Variants in CTNNB1 observed in about 807,000 individuals in gnomAD.
CTNNB1 encodes catenin beta-1.
Under a neutral mutation model 82.5 loss-of-function variants are expected in CTNNB1, and 6 were observed. The observed-to-expected ratio is 0.07, with a 90% CI of 0.04 to 0.14. The LOEUF (loss-of-function observed/expected upper bound fraction) is 0.14, where lower values mean the gene tolerates loss of function less well. CTNNB1 is among the 10% of genes least tolerant of loss of function. CTNNB1 has a pLI of 1.00. For synonymous variants in CTNNB1, 312 were observed against 329.7 expected (o/e 0.95, Z 0.58); for missense variants, 529 against 980.4 (o/e 0.54, Z 6.15).
intron 7 of CTNNB1, among the ~76,000 whole-genome samples, chr3:41,229,112 A>C (rs72861958): frequency 1.3e-5 from 2 of 152,092 alleles, no homozygotes; most frequent in African/African-American, 2.4e-5. Flanking sequence ...CCTTGTATTA[A>C]CAGTATAGCT....
rs1553630228 is a variant in CTNNB1, at chr3:41,224,945, C to T, written c.242-9C>T. On this transcript the variant is annotated splice_polypyrimidine_tract_variant and intron_variant, in intron 3 of 14. Coordinates refer to ENST00000349496, the MANE Select transcript of CTNNB1 (RefSeq NM_001904.4). Reference sequence around the variant, plus strand: ...TGTGGATAGTGAGTGTTGAATTAACCTTTTCCAGATATTGATGGACAGTAT... The same window carrying T: ...TGTGGATAGTGAGTGTTGAATTAACTTTTTCCAGATATTGATGGACAGTAT... 4 of 1,613,974 alleles carry T rather than the reference C, an allele frequency of 2.5e-6. No individual in the cohort carries two copies. The highest frequency in any genetic ancestry group is 3.4e-6 in the Non-Finnish European group (4 of 1,179,928).
chr3:41,211,795 G>C (rs938387508), intron 1 of CTNNB1, among the ~76,000 whole-genome samples: 1 of 152,118 alleles, frequency 6.6e-6, no homozygotes, highest in Non-Finnish European at 1.5e-5. Flanking sequence ...TGGGTTGATT[G>C]TATCTTTGCT....
In CTNNB1 at chr3:41,211,363, C is replaced by T. The variant is rs572726589; in HGVS notation, c.-49+11693C>T. ...CTCACTGAAGCCATGCCATGCCATG[C>T]CATCTTTTGCCTGTATTATTATTTT... On this transcript the variant is annotated intron_variant, in intron 1 of 14. Transcript: ENST00000349496. Among the ~76,000 whole-genome samples, 16 of 152,230 alleles carry T rather than the reference C, an allele frequency of 1.1e-4. No individual in the cohort carries two copies. In the East Asian group the frequency reaches 1.5e-3, roughly 15 times the overall value.
At chr3:41,215,077 A>G (rs1475165388) in intron 1 of CTNNB1, among the ~76,000 whole-genome samples, 2 of 151,900 alleles carry the variant, frequency 1.3e-5, no homozygotes, top group African/African-American at 2.4e-5. Context: ...GCATTTAAGA[A>G]TCTCTTAGGT....
At chr3:41,214,561 G>C (rs1227539705) in intron 1 of CTNNB1, among the ~76,000 whole-genome samples, 1 of 152,118 alleles carries the variant, frequency 6.6e-6, no homozygotes, top group Non-Finnish European at 1.5e-5. Context: ...TTACGGGGGG[G>C]AACACTTTGT....
At chr3:41,201,997 C>G (rs1177333218) in intron 1 of CTNNB1, among the ~76,000 whole-genome samples, 1 of 151,930 alleles carries the variant, frequency 6.6e-6, no homozygotes, top group African/African-American at 2.4e-5. Flanking sequence ...GTTAGCAAAA[C>G]TATTGCAGAT....
chr3:41,201,149 A>G (rs759419127), intron 1 of CTNNB1, among the ~76,000 whole-genome samples: 38 of 152,324 alleles, frequency 2.5e-4, no homozygotes, highest in African/African-American at 4.3e-4. Flanking sequence ...CGAACATTCA[A>G]TACCTTCAGA....
At position 41,227,491 on chromosome 3, in the gene CTNNB1, C is replaced by T. The variant is rs540584833; in HGVS notation, c.1081+139C>T. On this transcript the variant is annotated intron_variant, in intron 7 of 14. Transcript: ENST00000349496. ...TCAGTTTGCAGCCAAGATTTACATT[C>T]AGAGTACCTGTCATCTGGATTGTAG... 2.5e-5 allele frequency: 21 copies of T among 847,980 alleles called. No homozygotes were observed. The African/African-American group carries it at 2.5e-4, about 10-fold the overall frequency. 52.5% of individuals were successfully genotyped at this position (847,980 alleles called of 1,614,324 possible). A position where few individuals can be genotyped will look rare whatever the true frequency, so the allele number is the denominator to read the frequency against.
At chr3:41,238,293 A>C (rs1415452636) in intron 14 of CTNNB1, 1 of 578,640 alleles carries the variant, frequency 1.7e-6, no homozygotes, top group African/African-American at 1.9e-5. Context: ...TACACCACCA[A>C]CAAATACATG....
intron 6 of CTNNB1, among the ~76,000 whole-genome samples, 176 bp from the exon 7 acceptor site, chr3:41,227,032 C>G (rs959719055): frequency 6.6e-6 from 1 of 152,046 alleles, no homozygotes; most frequent in Non-Finnish European, 1.5e-5. Context: ...TTTAAAAGGA[C>G]AAGTTGGATA....
intron 1 of CTNNB1, among the ~76,000 whole-genome samples, chr3:41,216,199 GATAACATAC>G (rs921918359): frequency 6.6e-6 from 1 of 152,174 alleles, no homozygotes; most frequent in Non-Finnish European, 1.5e-5. Context: ...GATTCAATGA[GATAACATAC>G]TAGGCTCAGA....
chr3:41,240,220 T>C lies in CTNNB1; in HGVS notation c.*878T>C, dbSNP rs2078549775. ...ATGGTCCAATTAGTTTCCTTTTTAATATGCTTAAAATAAGCAGGTGGATCT... is the reference window on the plus strand; with the variant it reads ...ATGGTCCAATTAGTTTCCTTTTTAACATGCTTAAAATAAGCAGGTGGATCT... On this transcript the variant is annotated 3_prime_UTR_variant, in exon 15 of 15. Coordinates refer to ENST00000349496, the MANE Select transcript of CTNNB1 (RefSeq NM_001904.4). 1 of 197,546 alleles carries C rather than the reference T, an allele frequency of 5.1e-6. No homozygotes were observed. Among genetic ancestry groups the C allele is most frequent in the East Asian group, 8.0e-5 (1 of 12,538 alleles). The allele number at this position is 197,546 out of a possible 1,614,324, so 12.2% of individuals were successfully genotyped here.
At chr3:41,211,738 G>A (rs545334683) in intron 1 of CTNNB1, among the ~76,000 whole-genome samples, 1 of 152,230 alleles carries the variant, frequency 6.6e-6, no homozygotes, top group South Asian at 2.1e-4. Flanking sequence ...ATTCCATGGT[G>A]TATAGGTACC....
At chr3:41,219,460 A>G (rs546301553) in intron 1 of CTNNB1, among the ~76,000 whole-genome samples, 2 of 152,330 alleles carry the variant, frequency 1.3e-5, no homozygotes, top group South Asian at 2.1e-4. Flanking sequence ...TGTATACTGT[A>G]TACATGTACT....
chr3:41,230,619 T>C (rs2078284663), intron 7 of CTNNB1, among the ~76,000 whole-genome samples: 1 of 152,132 alleles, frequency 6.6e-6, no homozygotes, highest in African/African-American at 2.4e-5. Context: ...ATGGGAGAAA[T>C]GACAGCAAAT....
chr3:41,230,261 C>T lies in CTNNB1; in HGVS notation c.1081+2909C>T, dbSNP rs776069523. 3.0e-4 allele frequency among the ~76,000 whole-genome samples: 45 copies of T among 152,234 alleles called. 1 individual carries two copies. The highest frequency in any genetic ancestry group is 4.0e-4 in the Non-Finnish European group (27 of 68,020). ...TTCTGTCAGCTGTTCCAGCAGTAAC[C>T]TGTAATGTAGGCTAAAAATACAGAT... is the stretch of plus-strand genomic sequence containing the variant. On this transcript the variant is annotated intron_variant, in intron 7 of 14. Coordinates refer to ENST00000349496, the MANE Select transcript of CTNNB1 (RefSeq NM_001904.4).
rs149284977 is a variant in CTNNB1 at position 41,211,340 on chromosome 3, C to T, written c.-49+11670C>T. Among the ~76,000 whole-genome samples the T allele has an allele frequency of 6.4e-4, 98 of 152,320 alleles. 2 individuals carry two copies. The East Asian group carries it at 0.019, about 29-fold the overall frequency. ...ATATCCAAAAATATTAATCATTTCT[C>T]ACTGAAGCCATGCCATGCCATGCCA... On this transcript the variant is annotated intron_variant, in intron 1 of 14. Transcript: ENST00000349496.
intron 7 of CTNNB1, among the ~76,000 whole-genome samples, chr3:41,232,677 A>G (rs2078338366): frequency 1.3e-5 from 2 of 152,032 alleles, no homozygotes; most frequent in Non-Finnish European, 2.9e-5. Flanking sequence ...ACCTTGGAAC[A>G]CATGTTTTGT....
chr3:41,212,687 T>C (rs938272981), intron 1 of CTNNB1, among the ~76,000 whole-genome samples: 4 of 152,244 alleles, frequency 2.6e-5, no homozygotes, highest in Non-Finnish European at 5.9e-5. Context: ...TGTGGCTGTG[T>C]GACTAGTGGC....
Sources: gnomAD v4.1 joint callset for allele counts (sites outside exome capture counted in the v4.1 genomes callset) on GRCh38, gnomAD v4.1.1 for gene constraint, MANE v1.5 for transcripts, NCBI Gene and HGNC (gene_info 2026-07-23, HGNC 2026-07-21) for gene names.